Variants in CFB observed in about 807,000 individuals in gnomAD.
CFB encodes the protein B-factor, properdin.
CFB carries 59 observed loss-of-function variants against 97.2 expected under a neutral mutation model. The observed-to-expected ratio is 0.61, with a 90% CI of 0.49 to 0.75. CFB has a LOEUF of 0.75. Ranked by LOEUF, CFB falls within the 30% of genes least tolerant of loss-of-function variation. The pLI, the probability that CFB is intolerant of heterozygous loss-of-function variation, is 0.00. For missense variants in CFB, 771 were observed against 959.8 expected (o/e 0.80, Z 2.60); for synonymous variants, 316 against 351.7 (o/e 0.90, Z 1.14).
chr6:31,951,639 AGTG>A lies in CFB; in HGVS notation c.2139+38_2139+40del. The stretch of plus-strand genomic sequence containing the variant: ...CCCTTTCCTATCTGGGGAGATGCCA[AGTG>A]GTCAGCATGGGCCCCAAAGCAGGAA... On this transcript the variant is annotated intron_variant, in intron 17 of 17. Transcript: ENST00000425368. The surrounding 1 kb of genome is among the most constrained non-coding windows in gnomAD (Gnocchi z 4.3). 1 of 1,613,900 alleles carries A rather than the reference AGTG, an allele frequency of 6.2e-7. No individual in the cohort carries two copies. The highest frequency in any genetic ancestry group is 2.2e-5 in the East Asian group (1 of 44,886).
intron 10 of CFB, 135 bp downstream of exon 10, chr6:31,949,692 A>G: frequency 1.8e-6 from 2 of 1,104,510 alleles, no homozygotes; most frequent in East Asian, 2.6e-5. Context: ...CAGTGTCACT[A>G]TTCTTGTTTC....
In CFB at chr6:31,947,607, A is replaced by C; in HGVS notation, c.658+86A>C. ...CCCACCTCAACCCTGCTCTTTCCTC[A>C]CTTTGTTTAAACCTCCCTGTACAAC... On this transcript the variant is annotated intron_variant, in intron 4 of 17. Coordinates refer to ENST00000425368, the MANE Select transcript of CFB (RefSeq NM_001710.6). The surrounding 1 kb of genome is among the most constrained non-coding windows in gnomAD (Gnocchi z 5.3). 8 of 1,595,462 alleles carry C rather than the reference A, an allele frequency of 5.0e-6. No homozygotes were observed. The highest frequency in any genetic ancestry group is 6.9e-6 in the Non-Finnish European group (8 of 1,164,964).
chr6:31,951,170 A>T lies in CFB; in HGVS notation c.1882A>T (p.Ile628Phe). 1 of 1,613,046 alleles carries T rather than the reference A, an allele frequency of 6.2e-7. No individual in the cohort carries two copies. The highest frequency in any genetic ancestry group is 8.5e-7 in the Non-Finnish European group (1 of 1,179,990). Residue 628 changes from isoleucine (I) to phenylalanine (F), a missense_variant, in exon 15 of 18, where the codon ATC (isoleucine) becomes TTC (phenylalanine). Coordinates refer to ENST00000425368, the MANE Select transcript of CFB (RefSeq NM_001710.6). This position sits in a 1 kb window ranked among gnomAD's most constrained non-coding sequence, Gnocchi z 4.3. ...QKEELLPAQDIKALFVSEEEK... is the reference protein window; with the variant it reads ...QKEELLPAQDFKALFVSEEEK... ...GGAAGAGCTGCTCCCTGCACAGGAT[A>T]TCAAAGCTCTGTTTGTGTCTGAGGA...
At position 31,950,300 on chromosome 6, in the gene CFB, A is replaced by G. The variant is rs895333600; in HGVS notation, c.1521A>G (p.Gly507=). 3 of 1,612,950 alleles carry G rather than the reference A, an allele frequency of 1.9e-6. No homozygotes were observed. In the African/African-American group the frequency reaches 4.0e-5, roughly 22 times the overall value. Residue 507 remains glycine (G), a synonymous_variant, in exon 12 of 18, where the codon GGA becomes GGG. Transcript: ENST00000425368. ...AKISVIRPSK[G]HESCMGAVVS... ...TGTGTCCCCAGCGCCCTTCAAAGGG[A>G]CACGAGAGCTGTATGGGGGCTGTGG...
rs1489330359 is a variant in CFB, at chr6:31,946,620, G to A, written c.298+14G>A. ...CAGAGTGCAGAGGTTTGAGGGCAAT[G>A]AGTGTGGGCAGTGGCCTAAGGCAGA... On this transcript the variant is annotated intron_variant, in intron 2 of 17. Transcript: ENST00000425368. This position sits in a 1 kb window ranked among gnomAD's most constrained non-coding sequence, Gnocchi z 6.4. 6.2e-7 allele frequency: 1 copy of A among 1,602,436 alleles called. No individual in the cohort carries two copies. Among genetic ancestry groups the A allele is most frequent in the Non-Finnish European group, 8.5e-7 (1 of 1,178,240 alleles).
chr6:31,948,698 A>G (rs1304167125), intron 7 of CFB, 132 bp from the exon 8 acceptor site: 1 of 1,542,134 alleles, frequency 6.5e-7, no homozygotes, highest in African/African-American at 1.4e-5. Context: ...CTTTGTGGTC[A>G]AAGGGAAGTC....
Position 31,951,041 on chromosome 6 carries a change from A to G in CFB, c.1855+97A>G. 1 of 1,570,320 alleles carries G rather than the reference A, an allele frequency of 6.4e-7. No individual in the cohort carries two copies. ...TAGGAAGAGATGATGCCTGGCCCAG[A>G]ACCTAGCTCTAGAAGGGCTTAGGGG... On this transcript the variant is annotated intron_variant, in intron 14 of 17. Transcript: ENST00000425368. The surrounding 1 kb of genome is among the most constrained non-coding windows in gnomAD (Gnocchi z 4.3).
At chr6:31,949,602 C>A in intron 10 of CFB, 45 bp downstream of exon 10, 1 of 1,608,704 alleles carries the variant, frequency 6.2e-7, no homozygotes, top group Non-Finnish European at 8.5e-7. Context: ...TCCTCAGGTT[C>A]CCCTGAAGTA....
rs1462700465 is a variant in CFB, at chr6:31,951,519, C to T, written c.2090-36C>T. The T allele has an allele frequency of 3.7e-6, 6 of 1,614,088 alleles. No individual in the cohort carries two copies. The highest frequency in any genetic ancestry group is 3.3e-5 in the Admixed American group (2 of 60,006). ...TGTGCTACAAGTGCCCAAGGCCCAACAGTCCTTTTCTCTACAGCTTCTCCT... is the reference window on the plus strand; with the variant it reads ...TGTGCTACAAGTGCCCAAGGCCCAATAGTCCTTTTCTCTACAGCTTCTCCT... On this transcript the variant is annotated intron_variant, in intron 16 of 17. Transcript: ENST00000425368. This position sits in a 1 kb window ranked among gnomAD's most constrained non-coding sequence, Gnocchi z 4.3.
At chr6:31,950,796 GA>G in intron 13 of CFB, 24 bp downstream of exon 13, 1 of 1,613,062 alleles carries the variant, frequency 6.2e-7, no homozygotes, top group Non-Finnish European at 8.5e-7. Context: ...GATCCCTGAG[GA>G]AAGGCTGGGA....
chr6:31,948,606 A>ACCACT (rs1052449449), intron 7 of CFB, 94 bp downstream of exon 7: 22 of 1,581,448 alleles, frequency 1.4e-5, no homozygotes, highest in Non-Finnish European at 1.9e-5. Flanking sequence ...GACAGGGAGG[A>ACCACT]CCACTTTGTA....
At position 31,947,504 on chromosome 6, in the gene CFB, C is replaced by T. The variant is rs761471751; in HGVS notation, c.641C>T (p.Thr214Met). ...TCQEGGSWSG[T>M]EPSCQDSFMY... ...CAGGAAGGTGGCTCTTGGAGCGGGA[C>T]GGAGCCTTCCTGCCAAGGTGACCTT... is the stretch of plus-strand genomic sequence containing the variant. Residue 214 changes from threonine (T) to methionine (M), a missense_variant, in exon 4 of 18, where the codon ACG (threonine) becomes ATG (methionine). By Grantham distance (81) the Thr-to-Met change is moderately conservative (BLOSUM62 -1). Coordinates refer to ENST00000425368, the MANE Select transcript of CFB (RefSeq NM_001710.6). The surrounding 1 kb of genome is among the most constrained non-coding windows in gnomAD (Gnocchi z 5.3). The T allele has an allele frequency of 1.3e-5, 21 of 1,612,882 alleles. No homozygotes were observed. The highest frequency in any genetic ancestry group is 5.3e-5 in the African/African-American group (4 of 74,896).
chr6:31,947,199 A>C lies in CFB; in HGVS notation c.484+7A>C. 1 of 1,612,688 alleles carries C rather than the reference A, an allele frequency of 6.2e-7. No individual in the cohort carries two copies. The highest frequency in any genetic ancestry group is 8.5e-7 in the Non-Finnish European group (1 of 1,179,986). On this transcript the variant is annotated splice_region_variant and intron_variant, in intron 3 of 17. Coordinates refer to ENST00000425368, the MANE Select transcript of CFB (RefSeq NM_001710.6). This position sits in a 1 kb window ranked among gnomAD's most constrained non-coding sequence, Gnocchi z 5.3. The stretch of plus-strand genomic sequence containing the variant: ...GCGATCTGTGACAACGGAGGTGAGA[A>C]GCATCCCCTCCCCCTACATTGCTGT...
At position 31,950,333 on chromosome 6, in the gene CFB, G is replaced by C; in HGVS notation, c.1554G>C (p.Glu518Asp). ...GCTGTATGGGGGCTGTGGTGTCTGA[G>C]TACTTTGTGCTGACAGCAGCACATT... ...HESCMGAVVS[E>D]YFVLTAAHCF... is the part of the protein sequence containing the mutation. The change falls in exon 12 of 18, where the codon GAG (glutamate) becomes GAC (aspartate). Residue 518 changes from glutamate to aspartate, a missense_variant. Physicochemically the swap from Glu to Asp is conservative, Grantham distance 45. Transcript: ENST00000425368. The C allele has an allele frequency of 6.2e-7, 1 of 1,613,120 alleles. No individual in the cohort carries two copies. The highest frequency in any genetic ancestry group is 8.5e-7 in the Non-Finnish European group (1 of 1,180,034).
chr6:31,947,103 A>G lies in CFB; in HGVS notation c.395A>G (p.Tyr132Cys). 6.2e-7 allele frequency: 1 copy of G among 1,612,966 alleles called. No homozygotes were observed. Among genetic ancestry groups the G allele is most frequent in the Non-Finnish European group, 8.5e-7 (1 of 1,180,010 alleles). ...NVSDEISFHC[Y>C]DGYTLRGSAN... ...AGTGATGAGATCTCTTTCCACTGCT[A>G]TGACGGTTACACTCTCCGGGGCTCT... The change falls in exon 3 of 18, where the codon TAT becomes TGT. Residue 132 changes from tyrosine to cysteine, a missense_variant. Physicochemically the swap from Tyr to Cys is radical, Grantham distance 194 (BLOSUM62 -2). Transcript: ENST00000425368. This position sits in a 1 kb window ranked among gnomAD's most constrained non-coding sequence, Gnocchi z 5.3.
In CFB at chr6:31,947,511, T is replaced by G; in HGVS notation, c.648T>G (p.Pro216=). 1 of 1,612,932 alleles carries G rather than the reference T, an allele frequency of 6.2e-7. No homozygotes were observed. Among genetic ancestry groups the G allele is most frequent in the African/African-American group, 1.3e-5 (1 of 75,012 alleles). Residue 216 remains proline (P), a synonymous_variant, in exon 4 of 18, where the codon CCT becomes CCG. Coordinates refer to ENST00000425368, the MANE Select transcript of CFB (RefSeq NM_001710.6). This position sits in a 1 kb window ranked among gnomAD's most constrained non-coding sequence, Gnocchi z 5.3. The stretch of plus-strand genomic sequence containing the variant: ...GTGGCTCTTGGAGCGGGACGGAGCC[T>G]TCCTGCCAAGGTGACCTTTGACCTG... ...QEGGSWSGTE[P]SCQDSFMYDT...
In CFB at chr6:31,947,679, G is replaced by C; in HGVS notation, c.659-63G>C. 5 of 1,587,696 alleles carry C rather than the reference G, an allele frequency of 3.1e-6. No individual in the cohort carries two copies. The highest frequency in any genetic ancestry group is 1.7e-4 in the Middle Eastern group (1 of 6,018). On this transcript the variant is annotated intron_variant, in intron 4 of 17. Coordinates refer to ENST00000425368, the MANE Select transcript of CFB (RefSeq NM_001710.6). The surrounding 1 kb of genome is among the most constrained non-coding windows in gnomAD (Gnocchi z 5.3). ...ATACCCTGGAAACCCATGATCCCCC[G>C]TCTCTTTGGTCACTGTATCCCTGAC...
Position 31,951,164 on chromosome 6 carries a change from C to T in CFB, c.1876C>T (p.Gln626Ter). ...QQQKEELLPA[Q>*]DIKALFVSEE... The stretch of plus-strand genomic sequence containing the variant: ...TCCAGAGGAAGAGCTGCTCCCTGCA[C>T]AGGATATCAAAGCTCTGTTTGTGTC... Residue 626 changes from glutamine to a stop codon, truncating the protein, a stop_gained, in exon 15 of 18, where the codon CAG becomes TAG. Transcript: ENST00000425368. LOFTEE classifies it high-confidence loss of function. This position sits in a 1 kb window ranked among gnomAD's most constrained non-coding sequence, Gnocchi z 4.3. The T allele has an allele frequency of 1.2e-6, 2 of 1,612,996 alleles. No homozygotes were observed. Among genetic ancestry groups the T allele is most frequent in the Non-Finnish European group, 1.7e-6 (2 of 1,179,986 alleles).
Position 31,952,074 on chromosome 6 carries a change from C to G in CFB, c.*44C>G. The G allele has an allele frequency of 6.2e-7, 1 of 1,607,582 alleles. No homozygotes were observed. The highest frequency in any genetic ancestry group is 8.5e-7 in the Non-Finnish European group (1 of 1,177,508). The stretch of plus-strand genomic sequence containing the variant: ...GGGGCGTGGGATTGAATTAAAACAG[C>G]TGCGACAACACCTGTGTTCCAGATC... On this transcript the variant is annotated 3_prime_UTR_variant, in exon 18 of 18. Coordinates refer to ENST00000425368, the MANE Select transcript of CFB (RefSeq NM_001710.6).
Sources: allele counts gnomAD v4.1 joint callset, GRCh38; gene constraint gnomAD v4.1.1; non-coding constraint Gnocchi (gnomAD v3.1); transcripts MANE v1.5; gene names NCBI Gene and HGNC (gene_info 2026-07-23, HGNC 2026-07-21).